DNAJC7: variants seen among roughly 807,000 people sequenced by gnomAD.
The protein encoded by DNAJC7 is DnaJ heat shock protein family (Hsp40) member C7.
Under a neutral mutation model 67.4 loss-of-function variants are expected in DNAJC7, and 18 were observed. That is an observed-to-expected ratio of 0.27 (90% CI 0.18 to 0.40). DNAJC7 has a LOEUF of 0.40. Among genes scored for constraint, DNAJC7 ranks in the 10% least tolerant of loss-of-function variants. The pLI is 1.00. For missense variants in DNAJC7, 419 were observed against 613.8 expected, an observed-to-expected ratio of 0.68 and a Z score of 3.35; for synonymous variants, 220 against 207.8, an observed-to-expected ratio of 1.06 and a Z score of -0.50.
At chr17:42,016,939 G>A (rs927295976) in intron 1 of DNAJC7, 1 of 1,149,942 alleles carries the variant, frequency 8.7e-7, no homozygotes, top group Admixed American at 4.6e-5. Context: ...TTTGGAGACG[G>A]AAAGTGCAGA....
At chr17:42,003,950 A>ATGTTTT (rs781791381) in intron 1 of DNAJC7, among the ~76,000 whole-genome samples, 1 of 94,330 alleles carries the variant, frequency 1.1e-5, no homozygotes, top group Non-Finnish European at 2.0e-5. Context: ...AAGATTTTCA[A>ATGTTTT]TTTTTTTTTT....
At chr17:41,983,469 G>C (rs1464954355) in intron 10 of DNAJC7, 94 bp downstream of exon 10, 20 of 1,130,180 alleles carry the variant, frequency 1.8e-5, no homozygotes, top group African/African-American at 4.7e-5. Flanking sequence ...GTTCTAGGTA[G>C]ATCCCTGATC....
rs546264178 is a variant in DNAJC7 at position 41,994,930 on chromosome 17, A to G, written c.420T>C (p.Asn140=). 9 of 1,613,762 alleles carry G rather than the reference A, an allele frequency of 5.6e-6. No homozygotes were observed. The highest frequency in any genetic ancestry group is 7.6e-6 in the Non-Finnish European group (9 of 1,179,836). The change falls in exon 5 of 14, where the codon AAT becomes AAC. Residue 140 remains asparagine, a synonymous_variant. Transcript: ENST00000457167. ...CTATTTTCTCATATTCCATGACTGC[A>G]TTAGCATTCTTGAACTGCACCGGAA... ...AQAQQEFKNA[N]AVMEYEKIAE... is the part of the protein sequence containing the mutation.
intron 1 of DNAJC7, among the ~76,000 whole-genome samples, chr17:42,005,973 T>A (rs1202598041): frequency 1.3e-5 from 2 of 150,994 alleles, no homozygotes; most frequent in Non-Finnish European, 2.9e-5. Context: ...TGAGACACAG[T>A]CTGACTGTCA....
intron 12 of DNAJC7, among the ~76,000 whole-genome samples, chr17:41,980,198 C>T (rs1042692449): frequency 3.3e-5 from 5 of 151,616 alleles, no homozygotes; most frequent in Non-Finnish European, 5.9e-5. Context: ...TACAGGCGTG[C>T]GCCACCATGG....
intron 1 of DNAJC7, among the ~76,000 whole-genome samples, chr17:42,006,302 C>T (rs2051952444): frequency 6.6e-6 from 1 of 151,730 alleles, no homozygotes; most frequent in Non-Finnish European, 1.5e-5. Flanking sequence ...TACAGGCACA[C>T]GCCACCACGC....
intron 12 of DNAJC7, among the ~76,000 whole-genome samples, chr17:41,978,343 AC>A (rs1405511101): frequency 6.6e-6 from 1 of 151,854 alleles, no homozygotes; most frequent in African/African-American, 2.4e-5. Flanking sequence ...TTAGTGAATG[AC>A]CCCGAGTCAG....
chr17:42,013,203 GCTAAGATT>G (rs1424398978), intron 1 of DNAJC7: 1 of 152,174 alleles, frequency 6.6e-6, no homozygotes, highest in Non-Finnish European at 1.5e-5. Flanking sequence ...CTCACAAAGT[GCTAAGATT>G]ACAGGCATGA....
At chr17:41,996,957 A>T (rs2051676416) in intron 3 of DNAJC7, among the ~76,000 whole-genome samples, 158 bp downstream of exon 3, 2 of 152,238 alleles carry the variant, frequency 1.3e-5, no homozygotes, top group African/African-American at 2.4e-5. Flanking sequence ...TAAAAGTCAG[A>T]GATGCTGCTA....
chr17:42,015,119 A>C (rs1555651661), intron 1 of DNAJC7: 1 of 152,002 alleles, frequency 6.6e-6, no homozygotes, highest in African/African-American at 2.4e-5. Flanking sequence ...AACTGGGATT[A>C]CATGTGTGTG....
rs1555646107 is a variant in DNAJC7 at position 41,982,319 on chromosome 17, G to A, written c.1167C>T (p.Asp389=). Residue 389 remains aspartate, a synonymous_variant, in exon 11 of 14, where the codon GAC becomes GAT. Transcript: ENST00000457167. The part of the protein sequence containing the change: ...RKDYYKILGV[D]KNASEDEIKK... ...TGATCTCGTCCTCAGAGGCATTCTT[G>A]TCCACTCCTAGAATCTTGTAGTAAT... 5 of 1,613,964 alleles carry A rather than the reference G, an allele frequency of 3.1e-6. No individual in the cohort carries two copies. The highest frequency in any genetic ancestry group is 3.4e-6 in the Non-Finnish European group (4 of 1,179,884).
At chr17:41,988,414 T>C (rs1425762972) in intron 8 of DNAJC7, among the ~76,000 whole-genome samples, 1 of 152,156 alleles carries the variant, frequency 6.6e-6, no homozygotes, top group Non-Finnish European at 1.5e-5. Context: ...AAAAAATAAA[T>C]GATCACTTGC....
chr17:41,980,964 C>T (rs1012224652), intron 12 of DNAJC7, among the ~76,000 whole-genome samples: 4 of 152,160 alleles, frequency 2.6e-5, no homozygotes, highest in Non-Finnish European at 5.9e-5. Flanking sequence ...TCCACCACCA[C>T]CTGCCTCTAG....
chr17:42,017,248 T>C, intron 1 of DNAJC7, 92 bp downstream of exon 1: 2 of 1,602,132 alleles, frequency 1.2e-6, no homozygotes, highest in South Asian at 1.1e-5. Context: ...GGGCATCGCC[T>C]CAACAGCTGG....
intron 4 of DNAJC7, 34 bp downstream of exon 4, chr17:41,996,277 G>T (rs782120781): frequency 3.1e-6 from 5 of 1,602,318 alleles, no homozygotes; most frequent in Non-Finnish European, 4.3e-6. Context: ...ATACCATACT[G>T]CCTCTTTTGA....
chr17:41,983,494 C>G, intron 10 of DNAJC7, 69 bp downstream of exon 10: 1 of 1,367,490 alleles, frequency 7.3e-7, no homozygotes, highest in Non-Finnish European at 1.0e-6. Flanking sequence ...AATCAAACTA[C>G]CTTGTGTACA....
intron 1 of DNAJC7, chr17:42,016,431 C>T (rs34637602): frequency 6.6e-6 from 1 of 152,218 alleles, no homozygotes; most frequent in African/African-American, 2.4e-5. Flanking sequence ...TAACCCGCAG[C>T]TGATAAGGAA....
chr17:41,999,216 G>A (rs1320641896), intron 2 of DNAJC7, among the ~76,000 whole-genome samples: 1 of 151,758 alleles, frequency 6.6e-6, no homozygotes, highest in Non-Finnish European at 1.5e-5. Flanking sequence ...CCGAGTAGCT[G>A]GGATTACAAG....
intron 1 of DNAJC7, chr17:42,013,421 G>A (rs1431901020): frequency 6.6e-6 from 1 of 152,180 alleles, no homozygotes; most frequent in East Asian, 1.9e-4. Flanking sequence ...GCCCCCCTAT[G>A]GGACTGTGAC....
Sources: gnomAD v4.1 joint callset for allele counts (sites outside exome capture counted in the v4.1 genomes callset) on GRCh38, gnomAD v4.1.1 for gene constraint, MANE v1.5 for transcripts, NCBI Gene and HGNC (gene_info 2026-07-23, HGNC 2026-07-21) for gene names.